LDB2: variants seen among roughly 807,000 people sequenced by gnomAD.
LDB2 encodes LIM domain-binding protein 2.
In LDB2, 12 loss-of-function variants were observed where a neutral mutation model predicts 44.3. The ratio of observed to expected loss-of-function variants is 0.27; its 90% confidence interval spans 0.17 to 0.44. The LOEUF is 0.44. Ranked by LOEUF, LDB2 falls within the 20% of genes least tolerant of loss-of-function variation. The pLI, the probability that LDB2 is intolerant of heterozygous loss-of-function variation, is 1.00. For missense variants in LDB2, 344 were observed against 473.5 expected (o/e 0.73, Z 2.54); for synonymous variants, 164 against 174.8 (o/e 0.94, Z 0.49).
intron 5 of LDB2, among the ~76,000 whole-genome samples, chr4:16,540,244 T>C (rs1232541193): frequency 6.6e-6 from 1 of 152,058 alleles, no homozygotes. Context: ...ACCATATCAG[T>C]GGGCTTGGGA....
chr4:16,613,403 G>A (rs1027821454), intron 2 of LDB2, among the ~76,000 whole-genome samples: 6 of 152,186 alleles, frequency 3.9e-5, no homozygotes, highest in Admixed American at 3.3e-4. Flanking sequence ...ATTCAAATAA[G>A]AAGAGATGCA....
chr4:16,662,533 G>C (rs1462298752), intron 2 of LDB2, among the ~76,000 whole-genome samples: 2 of 152,152 alleles, frequency 1.3e-5, no homozygotes, highest in Non-Finnish European at 2.9e-5. Flanking sequence ...TATTGATATG[G>C]TTTGGCTGTG....
At chr4:16,830,177 T>TC (rs1395500852) in intron 1 of LDB2, among the ~76,000 whole-genome samples, 2 of 152,120 alleles carry the variant, frequency 1.3e-5, no homozygotes, top group African/African-American at 4.8e-5. Context: ...TGGCTCTGTC[T>TC]CCCCATCCAA....
chr4:16,837,708 G>A (rs1785125329), intron 1 of LDB2, among the ~76,000 whole-genome samples: 1 of 152,232 alleles, frequency 6.6e-6, no homozygotes, highest in South Asian at 2.1e-4. Context: ...CAAGTTGTAT[G>A]AGTGATCCCA....
intron 1 of LDB2, among the ~76,000 whole-genome samples, chr4:16,843,191 A>G (rs1786239577): frequency 6.6e-6 from 1 of 152,206 alleles, no homozygotes; most frequent in Admixed American, 6.5e-5. Context: ...AATTTATTAT[A>G]AGTAATCATT....
At chr4:16,772,279 A>T (rs1018495505) in intron 1 of LDB2, among the ~76,000 whole-genome samples, 4 of 152,202 alleles carry the variant, frequency 2.6e-5, no homozygotes, top group Non-Finnish European at 5.9e-5. Context: ...CTTCTTACAT[A>T]CAAAAAATTG....
At chr4:16,828,734 G>A (rs1023232531) in intron 1 of LDB2, among the ~76,000 whole-genome samples, 2 of 152,158 alleles carry the variant, frequency 1.3e-5, no homozygotes, top group African/African-American at 4.8e-5. Context: ...TATCTGAAAT[G>A]ATAGAGAAGT....
chr4:16,547,966 G>GT (rs1274907892), intron 5 of LDB2, among the ~76,000 whole-genome samples: 81 of 148,890 alleles, frequency 5.4e-4, no homozygotes, highest in East Asian at 5.0e-3. Context: ...TTTGTTTTTT[G>GT]TTTTTTTTTC....
At chr4:16,506,187 T>C (rs1719340799) in intron 7 of LDB2, 1 of 495,218 alleles carries the variant, frequency 2.0e-6, no homozygotes, top group African/African-American at 1.9e-5. Context: ...TTAAAAGATA[T>C]GGTCACCACA....
chr4:16,647,461 GAAT>G (rs1341112800), intron 2 of LDB2, among the ~76,000 whole-genome samples: 1 of 152,100 alleles, frequency 6.6e-6, no homozygotes, highest in African/African-American at 2.4e-5. Context: ...TGACATATAA[GAAT>G]AAAAATGAAA....
At chr4:16,511,704 C>G (rs1721817233) in intron 6 of LDB2, among the ~76,000 whole-genome samples, 1 of 152,318 alleles carries the variant, frequency 6.6e-6, no homozygotes, top group Non-Finnish European at 1.5e-5. Flanking sequence ...CTGATCTCAG[C>G]TTTGCCAATG....
intron 2 of LDB2, among the ~76,000 whole-genome samples, chr4:16,755,599 C>T (rs1292763274): frequency 6.6e-6 from 1 of 150,448 alleles, no homozygotes; most frequent in Non-Finnish European, 1.5e-5. Flanking sequence ...AAACCTGAGG[C>T]TCAGCCTCAC....
At chr4:16,896,491 G>C (rs1362072143) in intron 1 of LDB2, among the ~76,000 whole-genome samples, 2 of 152,088 alleles carry the variant, frequency 1.3e-5, no homozygotes, top group Non-Finnish European at 2.9e-5. Context: ...TCAGTAATGG[G>C]CAGGAGGGCA....
chr4:16,696,803 A>C (rs1203837755), intron 2 of LDB2, among the ~76,000 whole-genome samples: 1 of 152,214 alleles, frequency 6.6e-6, no homozygotes, highest in Non-Finnish European at 1.5e-5. Flanking sequence ...CTGCAAGCCC[A>C]GAATCTGCAT....
chr4:16,622,548 T>C (rs1729181289), intron 2 of LDB2, among the ~76,000 whole-genome samples: 1 of 152,226 alleles, frequency 6.6e-6, no homozygotes, highest in Non-Finnish European at 1.5e-5. Flanking sequence ...TGGTTTTGTA[T>C]GGAGGTTCTG....
At chr4:16,644,790 TA>T (rs1382057771) in intron 2 of LDB2, among the ~76,000 whole-genome samples, 1 of 152,186 alleles carries the variant, frequency 6.6e-6, no homozygotes, top group Non-Finnish European at 1.5e-5. Context: ...TTTCACATTT[TA>T]GCTTCCATTA....
chr4:16,813,813 C>T (rs1248458552), intron 1 of LDB2, among the ~76,000 whole-genome samples: 2 of 151,666 alleles, frequency 1.3e-5, no homozygotes, highest in Non-Finnish European at 2.9e-5. Context: ...TTGTTTTGTT[C>T]GTTTGGGCTT....
intron 2 of LDB2, among the ~76,000 whole-genome samples, chr4:16,618,196 C>G (rs1727872401): frequency 6.6e-6 from 1 of 152,092 alleles, no homozygotes; most frequent in African/African-American, 2.4e-5. Flanking sequence ...ATAACGATTC[C>G]CAGGCCTCAC....
At chr4:16,681,723 A>G (rs1747962763) in intron 2 of LDB2, among the ~76,000 whole-genome samples, 1 of 136,508 alleles carries the variant, frequency 7.3e-6, no homozygotes. Context: ...GACTCCCGCC[A>G]CGAGGCCTGG....
Sources: allele counts gnomAD v4.1 joint callset (sites outside exome capture counted in the v4.1 genomes callset), GRCh38; gene constraint gnomAD v4.1.1; transcripts MANE v1.5; gene names NCBI Gene and HGNC (gene_info 2026-07-23, HGNC 2026-07-21).